SRC: variants seen among roughly 807,000 people sequenced by gnomAD.
SRC encodes the protein proto-oncogene tyrosine-protein kinase Src.
SRC carries 13 observed loss-of-function variants against 62.9 expected under a neutral mutation model. The observed-to-expected ratio is 0.21, with a 90% CI of 0.13 to 0.33. The LOEUF (loss-of-function observed/expected upper bound fraction) is 0.33. Among genes scored for constraint, SRC ranks in the 10% least tolerant of loss-of-function variants. The pLI, the probability that SRC is intolerant of heterozygous loss-of-function variation, is 1.00. For synonymous variants in SRC, 302 were observed against 317.5 expected (o/e 0.95, Z 0.52); for missense variants, 457 against 737.3 (o/e 0.62, Z 4.40).
At position 37,403,259 on chromosome 20, in the gene SRC, C is replaced by A; in HGVS notation, c.1491C>A (p.Leu497=). 1 of 1,594,648 alleles carries A rather than the reference C, an allele frequency of 6.3e-7. No homozygotes were observed. Among genetic ancestry groups the A allele is most frequent in the East Asian group, 2.3e-5 (1 of 44,062 alleles). ...AGTGTCCCGAGTCCCTGCACGACCT[C>A]ATGTGCCAGTGCTGGCGGAAGGAGC... The part of the protein sequence containing the change: ...PPECPESLHD[L]MCQCWRKEPE... The change falls in exon 14 of 14, where the codon CTC becomes CTA. Residue 497 remains leucine, a synonymous_variant. Coordinates refer to ENST00000373578, the MANE Select transcript of SRC (RefSeq NM_198291.3). The surrounding 1 kb of genome is among the most constrained non-coding windows in gnomAD (Gnocchi z 7.1).
At chr20:37,363,233 A>G (rs2070004876) in intron 1 of SRC, among the ~76,000 whole-genome samples, 4 of 152,142 alleles carry the variant, frequency 2.6e-5, no homozygotes, top group Admixed American at 2.6e-4. Context: ...CCCTGCTCTC[A>G]GTTTTGCAGG....
At chr20:37,386,373 A>G in intron 5 of SRC, 199 bp downstream of exon 5, 2 of 719,946 alleles carry the variant, frequency 2.8e-6, no homozygotes, top group South Asian at 2.9e-5. Flanking sequence ...GCCATGGGGA[A>G]CTCCTCCCAA....
At chr20:37,393,097 A>C (rs1385816406) in intron 5 of SRC, among the ~76,000 whole-genome samples, 4 of 147,140 alleles carry the variant, frequency 2.7e-5, no homozygotes, top group Admixed American at 6.8e-5. Context: ...TCCCCATCAC[A>C]CCCCCCACTC....
At chr20:37,373,417 G>A (rs1296641838) in intron 2 of SRC, among the ~76,000 whole-genome samples, 46 of 122,538 alleles carry the variant, frequency 3.8e-4, no homozygotes, top group African/African-American at 1.8e-3. Context: ...GCATATATAC[G>A]CATATATGCG....
At chr20:37,363,781 C>T (rs1208075929) in intron 1 of SRC, among the ~76,000 whole-genome samples, 1 of 152,198 alleles carries the variant, frequency 6.6e-6, no homozygotes, top group African/African-American at 2.4e-5. Context: ...CTCTGGGTGG[C>T]CGTCCCGGTT....
intron 7 of SRC, among the ~76,000 whole-genome samples, chr20:37,394,728 TC>T (rs1490296738): frequency 6.6e-6 from 1 of 152,018 alleles, no homozygotes; most frequent in African/African-American, 2.4e-5. Context: ...ATGAAGACCA[TC>T]CCCTTTCTCT....
chr20:37,382,345 A>G (rs1310593414), intron 2 of SRC, among the ~76,000 whole-genome samples: 1 of 152,132 alleles, frequency 6.6e-6, no homozygotes, highest in Non-Finnish European at 1.5e-5. Context: ...TTACACAGCT[A>G]TTTAGGGGTA....
chr20:37,403,050 C>G lies in SRC; in HGVS notation c.1403-121C>G, dbSNP rs1242119564. On this transcript the variant is annotated intron_variant, in intron 13 of 13. Coordinates refer to ENST00000373578, the MANE Select transcript of SRC (RefSeq NM_198291.3). The surrounding 1 kb of genome is among the most constrained non-coding windows in gnomAD (Gnocchi z 7.1). ...CATGCTCTCAGCTTCGGGGACAGGA[C>G]TTATCTATGGTCACTCCCAACCTGT... is the stretch of plus-strand genomic sequence containing the variant. The G allele has an allele frequency of 1.5e-6, 2 of 1,305,578 alleles. No individual in the cohort carries two copies. The highest frequency in any genetic ancestry group is 2.1e-6 in the Non-Finnish European group (2 of 971,490). The allele number at this position is 1,305,578 out of a possible 1,614,324, so 80.9% of individuals were successfully genotyped here.
rs2147129606 is a variant in SRC, at chr20:37,403,424, G to A, written c.*45G>A. On this transcript the variant is annotated 3_prime_UTR_variant, in exon 14 of 14. Transcript: ENST00000373578. This position sits in a 1 kb window ranked among gnomAD's most constrained non-coding sequence, Gnocchi z 7.1. ...GGCTTCTCGGCTTGGATCCTGGGCT[G>A]GGTGGCCCCTGTCTCGGGGCTTGCC... 2.6e-6 allele frequency: 4 copies of A among 1,522,886 alleles called. No individual in the cohort carries two copies. The highest frequency in any genetic ancestry group is 3.5e-6 in the Non-Finnish European group (4 of 1,132,224). 94.3% of individuals were successfully genotyped at this position (1,522,886 alleles called of 1,614,324 possible). A position where few individuals can be genotyped will look rare whatever the true frequency, so the allele number is the denominator to read the frequency against.
chr20:37,386,914 C>T (rs904599056), intron 5 of SRC, among the ~76,000 whole-genome samples: 6 of 152,254 alleles, frequency 3.9e-5, no homozygotes, highest in African/African-American at 1.4e-4. Context: ...AGAGTCGGCT[C>T]CTGGAGCCCC....
At chr20:37,375,229 C>G (rs1467818159) in intron 2 of SRC, among the ~76,000 whole-genome samples, 23 of 150,852 alleles carry the variant, frequency 1.5e-4, no homozygotes, top group Admixed American at 3.3e-4. Flanking sequence ...CCGCACCTGG[C>G]CTCTTTCCTT....
intron 5 of SRC, among the ~76,000 whole-genome samples, chr20:37,388,443 C>T (rs576204489): frequency 1.6e-4 from 25 of 152,280 alleles, no homozygotes; most frequent in Non-Finnish European, 2.8e-4. Flanking sequence ...AATGCTCCTT[C>T]GCTTAGACGT....
chr20:37,355,692 G>A (rs2146912981), intron 1 of SRC, among the ~76,000 whole-genome samples: 1 of 152,334 alleles, frequency 6.6e-6, no homozygotes, highest in Non-Finnish European at 1.5e-5. Context: ...ACAATGCCAG[G>A]AGAGCTTCCC....
chr20:37,378,050 T>A (rs1270253206), intron 2 of SRC, among the ~76,000 whole-genome samples: 2 of 151,486 alleles, frequency 1.3e-5, no homozygotes, highest in South Asian at 4.1e-4. Context: ...CTCTTTTAGT[T>A]TTTTTTAAAA....
At chr20:37,393,235 A>G (rs1257004206) in intron 5 of SRC, among the ~76,000 whole-genome samples, 1 of 152,166 alleles carries the variant, frequency 6.6e-6, no homozygotes, top group East Asian at 1.9e-4. Flanking sequence ...CCCCCTGCAG[A>G]TGGGTAGGCT....
At position 37,386,198 on chromosome 20, in the gene SRC, C is replaced by T. The variant is rs199914043; in HGVS notation, c.350+24C>T. On this transcript the variant is annotated intron_variant, in intron 5 of 13. Transcript: ENST00000373578. ...ACGTGAGTGCCCCCTTCCCTATTGC[C>T]CCTCAGGGCTGGGTGGTGGGACTTC... The T allele has an allele frequency of 2.1e-5, 33 of 1,607,992 alleles. No homozygotes were observed. The East Asian group carries it at 4.7e-4, about 23-fold the overall frequency.
At chr20:37,389,404 G>A (rs567887980) in intron 5 of SRC, among the ~76,000 whole-genome samples, 50 of 152,190 alleles carry the variant, frequency 3.3e-4, no homozygotes, top group Non-Finnish European at 4.6e-4. Flanking sequence ...CCGGCATGGC[G>A]GCAGGGGGCA....
chr20:37,344,774 C>G (rs917702691), upstream of SRC: 3 of 152,402 alleles, frequency 2.0e-5, no homozygotes, highest in Non-Finnish European at 4.4e-5. Context: ...CCTCTAGCCT[C>G]AGTTTATCAC....
Position 37,396,968 on chromosome 20 carries a change from A to C in SRC, c.703+657A>C, listed in dbSNP as rs1399824578. On this transcript the variant is annotated intron_variant, in intron 8 of 13. Coordinates refer to ENST00000373578, the MANE Select transcript of SRC (RefSeq NM_198291.3). The surrounding 1 kb of genome is among the most constrained non-coding windows in gnomAD (Gnocchi z 6.1). ...GCTTGGCCTCCTGACTTCCTCTGGGATCACCCGCCACTCTCTGTCTCTTCG... is the reference window on the plus strand; with the variant it reads ...GCTTGGCCTCCTGACTTCCTCTGGGCTCACCCGCCACTCTCTGTCTCTTCG... 6.6e-6 allele frequency among the ~76,000 whole-genome samples: 1 copy of C among 151,466 alleles called. No homozygotes were observed. Among genetic ancestry groups the C allele is most frequent in the Non-Finnish European group, 1.5e-5 (1 of 67,818 alleles).
Sources: gnomAD v4.1 joint callset for allele counts (sites outside exome capture counted in the v4.1 genomes callset) on GRCh38, gnomAD v4.1.1 for gene constraint, Gnocchi (gnomAD v3.1) non-coding constraint, MANE v1.5 for transcripts, NCBI Gene and HGNC (gene_info 2026-07-23, HGNC 2026-07-21) for gene names.